MVB12B: variants seen among roughly 807,000 people sequenced by gnomAD.
MVB12B encodes multivesicular body subunit 12B.
MVB12B carries 16 observed loss-of-function variants against 41.6 expected under a neutral mutation model. That is an observed-to-expected ratio of 0.38 (90% CI 0.26 to 0.58). MVB12B has a LOEUF of 0.58. MVB12B is among the 20% of genes least tolerant of loss of function. The pLI is 0.62. For missense variants in MVB12B, 274 were observed against 380.2 expected (o/e 0.72, Z 2.32); for synonymous variants, 133 against 139.7 (o/e 0.95, Z 0.34).
At chr9:126,433,187 G>A (rs974568020) in intron 7 of MVB12B, among the ~76,000 whole-genome samples, 20 of 152,214 alleles carry the variant, frequency 1.3e-4, no homozygotes, top group Non-Finnish European at 7.4e-5. Flanking sequence ...GTGAAGCTTA[G>A]AACCATGCCT....
chr9:126,375,447 C>T (rs1830455744), intron 2 of MVB12B, among the ~76,000 whole-genome samples: 1 of 142,350 alleles, frequency 7.0e-6, no homozygotes, highest in African/African-American at 2.7e-5. Context: ...GTCACATGCC[C>T]ATCCCTATTT....
rs1830951884 is a variant in MVB12B at position 126,391,530 on chromosome 9, G to A, written c.410-536G>A. ...CCTGGATGCCTACTGAGGTATTGAT[G>A]GTGACATAACGTAGTGTCGTCAGGG... is the stretch of plus-strand genomic sequence containing the variant. On this transcript the variant is annotated intron_variant, in intron 4 of 9. Transcript: ENST00000361171. This position sits in a 1 kb window ranked among gnomAD's most constrained non-coding sequence, Gnocchi z 4.4. 6.6e-6 allele frequency among the ~76,000 whole-genome samples: 1 copy of A among 152,200 alleles called. No homozygotes were observed. Among genetic ancestry groups the A allele is most frequent in the Non-Finnish European group, 1.5e-5 (1 of 68,040 alleles).
intron 7 of MVB12B, among the ~76,000 whole-genome samples, chr9:126,462,228 C>T (rs1429509095): frequency 6.6e-6 from 1 of 152,192 alleles, no homozygotes; most frequent in Non-Finnish European, 1.5e-5. Context: ...CCATTAGGGG[C>T]GTCTTGGAGC....
intron 2 of MVB12B, among the ~76,000 whole-genome samples, chr9:126,378,149 A>T (rs1188003649): frequency 1.3e-5 from 2 of 152,180 alleles, no homozygotes; most frequent in Non-Finnish European, 1.5e-5. Flanking sequence ...CAGCTTCCTG[A>T]TGCTGGGACC....
rs961547996 is a variant in MVB12B at position 126,478,790 on chromosome 9, T to C, written c.758-2579T>C. 2.0e-5 allele frequency among the ~76,000 whole-genome samples: 3 copies of C among 151,946 alleles called. No homozygotes were observed. Among genetic ancestry groups the C allele is most frequent in the African/African-American group, 7.2e-5 (3 of 41,382 alleles). On this transcript the variant is annotated intron_variant, in intron 7 of 9. Transcript: ENST00000361171. This position sits in a 1 kb window ranked among gnomAD's most constrained non-coding sequence, Gnocchi z 4.2. Reference sequence around the variant, plus strand: ...ACTTCTCAGCCCCCTCAGTTCCTGATGTAATCAGGTCTTTGCACATCACCT... The same window carrying C: ...ACTTCTCAGCCCCCTCAGTTCCTGACGTAATCAGGTCTTTGCACATCACCT...
chr9:126,387,511 C>A (rs1248300068), intron 4 of MVB12B, among the ~76,000 whole-genome samples: 2 of 152,180 alleles, frequency 1.3e-5, no homozygotes, highest in Non-Finnish European at 2.9e-5. Flanking sequence ...TGTTTTCTTG[C>A]TAGCACTTCA....
intron 9 of MVB12B, among the ~76,000 whole-genome samples, chr9:126,490,599 G>T (rs530826569): frequency 1.3e-5 from 2 of 152,326 alleles, no homozygotes; most frequent in South Asian, 4.1e-4. Context: ...CGGAGCAACA[G>T]CCTCCATTTT....
At chr9:126,492,942 TGCTCA>T (rs1257291540) in intron 9 of MVB12B, among the ~76,000 whole-genome samples, 1 of 152,236 alleles carries the variant, frequency 6.6e-6, no homozygotes, top group East Asian at 1.9e-4. Context: ...GCTCGCTCTC[TGCTCA>T]GTTGTTTTCT....
At chr9:126,476,402 T>G (rs1390530738) in intron 7 of MVB12B, among the ~76,000 whole-genome samples, 1 of 152,124 alleles carries the variant, frequency 6.6e-6, no homozygotes, top group East Asian at 1.9e-4. Context: ...AAACGGGAAG[T>G]GCCTCTGAGG....
Position 126,459,716 on chromosome 9 carries a change from C to T in MVB12B, c.758-21653C>T, listed in dbSNP as rs987639536. ...TCTGGATGTGGGGCAGCTTGGAGTG[C>T]GCAGTTGTTACAGCGCTCACAGGGG... On this transcript the variant is annotated intron_variant, in intron 7 of 9. Coordinates refer to ENST00000361171, the MANE Select transcript of MVB12B (RefSeq NM_033446.3). This position sits in a 1 kb window ranked among gnomAD's most constrained non-coding sequence, Gnocchi z 4.3. Among the ~76,000 whole-genome samples the T allele has an allele frequency of 2.0e-5, 3 of 152,132 alleles. No individual in the cohort carries two copies. The East Asian group carries it at 5.8e-4, about 29-fold the overall frequency.
chr9:126,450,247 G>C (rs1014551476), intron 7 of MVB12B, among the ~76,000 whole-genome samples: 5 of 152,160 alleles, frequency 3.3e-5, no homozygotes, highest in Non-Finnish European at 5.9e-5. Context: ...CCAGGTGGGC[G>C]GTGGGCAAGC....
Position 126,505,888 on chromosome 9 carries a change from T to A in MVB12B, c.*2625T>A, listed in dbSNP as rs781665295. On this transcript the variant is annotated 3_prime_UTR_variant, in exon 10 of 10. Transcript: ENST00000361171. ...GGAAATGTGAAGGGTCTTGGCCTCATCCCTCAGGTCCCCCCACAGCACTTC... is the reference window on the plus strand; with the variant it reads ...GGAAATGTGAAGGGTCTTGGCCTCAACCCTCAGGTCCCCCCACAGCACTTC... 2.6e-5 allele frequency: 4 copies of A among 152,168 alleles called. No individual in the cohort carries two copies. The highest frequency in any genetic ancestry group is 5.9e-5 in the Non-Finnish European group (4 of 68,060). The allele number at this position is 152,168 out of a possible 1,614,324, so 9.4% of individuals were successfully genotyped here.
At chr9:126,483,232 G>C (rs1014644970) in intron 8 of MVB12B, among the ~76,000 whole-genome samples, 1 of 152,172 alleles carries the variant, frequency 6.6e-6, no homozygotes, top group Non-Finnish European at 1.5e-5. Context: ...GACGCCCTCT[G>C]CCCTCCGAGC....
At chr9:126,339,111 G>A (rs1347497526) in intron 1 of MVB12B, among the ~76,000 whole-genome samples, 1 of 152,174 alleles carries the variant, frequency 6.6e-6, no homozygotes, top group Non-Finnish European at 1.5e-5. Flanking sequence ...AGCCTTGATC[G>A]AGGACTCAGC....
intron 2 of MVB12B, among the ~76,000 whole-genome samples, chr9:126,379,786 G>T (rs768479182): frequency 3.3e-5 from 5 of 152,214 alleles, no homozygotes; most frequent in Non-Finnish European, 7.3e-5. Context: ...AGCCCACTGG[G>T]CTGGGGTCCT....
intron 2 of MVB12B, among the ~76,000 whole-genome samples, chr9:126,378,243 G>A (rs187890053): frequency 2.9e-4 from 44 of 152,380 alleles, no homozygotes; most frequent in Admixed American, 1.7e-3. Flanking sequence ...CCTTGAGTCA[G>A]TGGTGGAGGC....
intron 1 of MVB12B, chr9:126,335,554 G>A (rs1829250036): frequency 2.1e-6 from 1 of 474,252 alleles, no homozygotes; most frequent in African/African-American, 2.0e-5. Flanking sequence ...CCAGCAGAAA[G>A]GTGTCAGTAA....
intron 7 of MVB12B, among the ~76,000 whole-genome samples, chr9:126,437,180 C>A (rs77494448): frequency 0.02 from 3,000 of 152,220 alleles, 43 homozygotes; most frequent in Non-Finnish European, 0.031. Context: ...GAGTGGCATG[C>A]TGTATTTGTT....
rs1346041801 is a variant in MVB12B, at chr9:126,468,023, C to T, written c.758-13346C>T. On this transcript the variant is annotated intron_variant, in intron 7 of 9. Coordinates refer to ENST00000361171, the MANE Select transcript of MVB12B (RefSeq NM_033446.3). The surrounding 1 kb of genome is among the most constrained non-coding windows in gnomAD (Gnocchi z 4.3). ...ATAAGTGTACACACACACAGATGTG[C>T]GCTTATGTATCTGTCTACAACTACA... Among the ~76,000 whole-genome samples, 1 of 152,180 alleles carries T rather than the reference C, an allele frequency of 6.6e-6. No individual in the cohort carries two copies. The highest frequency in any genetic ancestry group is 2.4e-5 in the African/African-American group (1 of 41,440).
Sources: allele counts gnomAD v4.1 joint callset (sites outside exome capture counted in the v4.1 genomes callset), GRCh38; gene constraint gnomAD v4.1.1; non-coding constraint Gnocchi (gnomAD v3.1); transcripts MANE v1.5; gene names NCBI Gene and HGNC (gene_info 2026-07-23, HGNC 2026-07-21).